B4GALT6: variants seen among roughly 807,000 people sequenced by gnomAD.
B4GALT6 encodes the protein UDP-Gal:beta-GlcNAc beta-1,4-galactosyltransferase 6.
B4GALT6 carries 14 observed loss-of-function variants against 46.3 expected under a neutral mutation model. The ratio of observed to expected loss-of-function variants is 0.30; its 90% CI spans 0.20 to 0.47. B4GALT6 has a LOEUF of 0.47. B4GALT6 is among the 20% of genes least tolerant of loss of function. The pLI is 0.99. For synonymous variants in B4GALT6, 168 were observed against 162.0 expected, an observed-to-expected ratio of 1.04 and a Z score of -0.28; for missense variants, 386 against 480.1, an observed-to-expected ratio of 0.80 and a Z score of 1.83.
chr18:31,677,452 G>T (rs7244688), intron 1 of B4GALT6, among the ~76,000 whole-genome samples: 1,884 of 152,254 alleles, frequency 0.012, 37 homozygotes, highest in African/African-American at 0.042. Flanking sequence ...AAACAGAATT[G>T]AGTGCCACCT....
intron 3 of B4GALT6, among the ~76,000 whole-genome samples, chr18:31,649,488 T>C (rs919656325): frequency 1.3e-5 from 2 of 150,564 alleles, no homozygotes; most frequent in East Asian, 3.9e-4. Context: ...TATGCAAAAC[T>C]GTGCATACAA....
At chr18:31,658,765 C>T (rs1303541047) in intron 2 of B4GALT6, among the ~76,000 whole-genome samples, 5 of 152,164 alleles carry the variant, frequency 3.3e-5, no homozygotes, top group Non-Finnish European at 5.9e-5. Flanking sequence ...GGGCAGGACA[C>T]GATGTAGCTT....
intron 4 of B4GALT6, among the ~76,000 whole-genome samples, chr18:31,641,010 C>T (rs992935819): frequency 1.1e-4 from 17 of 152,204 alleles, no homozygotes; most frequent in African/African-American, 4.1e-4. Flanking sequence ...GTCAAGCCTG[C>T]CCTTCTTGAT....
rs115568058 is a variant in B4GALT6, at chr18:31,638,730, G to A, written c.502C>T (p.His168Tyr). ...AAGAAAAAAATTGGAAGATGTTCAT[G>A]GCGATTACGGAAAGGAATGAGAACT... ...VAVLIPFRNR[H>Y]EHLPIFFLHL... Residue 168 changes from histidine (H) to tyrosine (Y), a missense_variant, in exon 5 of 9, where the codon CAT (histidine) becomes TAT (tyrosine). Around this residue, in one of 2 missense-constraint regions of B4GALT6, gnomAD observed 323 missense variants for 438.9 expected, o/e 0.74. Transcript: ENST00000306851. 2.5e-4 allele frequency: 410 copies of A among 1,614,024 alleles called. 2 individuals are homozygous for A. The African/African-American group carries it at 4.1e-3, about 16-fold the overall frequency.
At chr18:31,720,256 AAGAC>A in the B4GALT6 span, among the ~76,000 whole-genome samples, 3 of 152,350 alleles carry the variant, frequency 2.0e-5, no homozygotes, top group East Asian at 5.8e-4. Context: ...AATAAGAAGA[AAGAC>A]AGGTGGATGA....
intron 1 of B4GALT6, among the ~76,000 whole-genome samples, chr18:31,672,990 A>C (rs2074373740): frequency 6.6e-6 from 1 of 152,236 alleles, no homozygotes; most frequent in Non-Finnish European, 1.5e-5. Flanking sequence ...CAAGTTTCAG[A>C]AAAGGAAAAT....
intron 3 of B4GALT6, among the ~76,000 whole-genome samples, chr18:31,646,649 T>C (rs559743930): frequency 6.6e-6 from 1 of 152,208 alleles, no homozygotes; most frequent in Non-Finnish European, 1.5e-5. Context: ...TTTCGAGTCT[T>C]CTGAGTTTCA....
At chr18:31,670,972 A>G (rs1224427016) in intron 1 of B4GALT6, among the ~76,000 whole-genome samples, 1 of 150,900 alleles carries the variant, frequency 6.6e-6, no homozygotes, top group East Asian at 1.9e-4. Flanking sequence ...TCATTGTTCA[A>G]CTCCCACTTA....
intron 2 of B4GALT6, among the ~76,000 whole-genome samples, chr18:31,663,385 G>A (rs2074243009): frequency 6.6e-6 from 1 of 152,132 alleles, no homozygotes; most frequent in Non-Finnish European, 1.5e-5. Flanking sequence ...AACATTGCAT[G>A]GCCCTTATCT....
chr18:31,668,209 C>G (rs968862979), intron 1 of B4GALT6, among the ~76,000 whole-genome samples: 1 of 152,060 alleles, frequency 6.6e-6, no homozygotes, highest in African/African-American at 2.4e-5. Context: ...AACACAGGCA[C>G]AGAAAACCAA....
intron 4 of B4GALT6, among the ~76,000 whole-genome samples, chr18:31,641,811 CCTTG>C (rs1317577543): frequency 1.3e-5 from 2 of 152,080 alleles, no homozygotes; most frequent in African/African-American, 4.8e-5. Flanking sequence ...CCATTTTTTC[CCTTG>C]CTTATTTTCT....
intron 4 of B4GALT6, among the ~76,000 whole-genome samples, chr18:31,643,002 A>C (rs897916644): frequency 5.3e-5 from 8 of 152,244 alleles, no homozygotes; most frequent in Admixed American, 1.3e-4. Flanking sequence ...TTAAGAATCA[A>C]GTTGATGACA....
chr18:31,693,745 A>G, the B4GALT6 span, among the ~76,000 whole-genome samples: 1 of 151,902 alleles, frequency 6.6e-6, no homozygotes, highest in South Asian at 2.1e-4. Flanking sequence ...AGGTGGGAGG[A>G]TTGCTTGAGC....
At chr18:31,670,562 G>A (rs2074339450) in intron 1 of B4GALT6, among the ~76,000 whole-genome samples, 1 of 152,002 alleles carries the variant, frequency 6.6e-6, no homozygotes, top group African/African-American at 2.4e-5. Flanking sequence ...AATCCCTAAA[G>A]ACCAAAACCC....
intron 2 of B4GALT6, among the ~76,000 whole-genome samples, chr18:31,659,282 T>C (rs1017102366): frequency 3.3e-5 from 5 of 152,166 alleles, no homozygotes; most frequent in Admixed American, 6.5e-5. Context: ...GCGAATTAGA[T>C]AGGAAGTATG....
chr18:31,667,583 C>T (rs2074296855), intron 1 of B4GALT6, among the ~76,000 whole-genome samples: 1 of 152,090 alleles, frequency 6.6e-6, no homozygotes, highest in Non-Finnish European at 1.5e-5. Context: ...ATGAAGAGAG[C>T]ATAAATTAAA....
At chr18:31,724,184 G>T in the B4GALT6 span, 1 of 254,228 alleles carries the variant, frequency 3.9e-6, no homozygotes. Context: ...GACGGGATGG[G>T]GCGCGCGGTT....
chr18:31,711,398 T>C, the B4GALT6 span, among the ~76,000 whole-genome samples: 1 of 152,152 alleles, frequency 6.6e-6, no homozygotes. Context: ...TCTGCTCCTC[T>C]CCCTCCTCCC....
chr18:31,670,910 A>G (rs1287979683), intron 1 of B4GALT6, among the ~76,000 whole-genome samples: 1 of 151,400 alleles, frequency 6.6e-6, no homozygotes. Context: ...TAGTCCCCCA[A>G]CCCCCGAGAG....
Sources: allele counts gnomAD v4.1 joint callset (sites outside exome capture counted in the v4.1 genomes callset), GRCh38; gene constraint gnomAD v4.1.1; regional missense constraint gnomAD v4.1.1; transcripts MANE v1.5; gene names NCBI Gene and HGNC (gene_info 2026-07-23, HGNC 2026-07-21).